The following CLASP1 variants were observed in gnomAD, a reference collection of about 807,000 sequenced individuals.
CLASP1 encodes cytoplasmic linker associated protein 1, also known as CLIP-associating protein 1.
A neutral mutation model predicts 192.3 loss-of-function variants in CLASP1; 38 were observed. That is an observed-to-expected ratio of 0.20 (90% CI 0.15 to 0.26). The LOEUF is 0.26. Among genes scored for constraint, CLASP1 ranks in the 10% least tolerant of loss-of-function variants. The pLI, the probability that CLASP1 is intolerant of heterozygous loss-of-function variation, is 1.00. For missense variants in CLASP1, 1,433 were observed against 1,932.5 expected (o/e 0.74, Z 4.85); for synonymous variants, 691 against 712.8 (o/e 0.97, Z 0.49).
chr2:121,596,478 G>T (rs1452253174), intron 2 of CLASP1, among the ~76,000 whole-genome samples: 1 of 152,166 alleles, frequency 6.6e-6, no homozygotes, highest in Non-Finnish European at 1.5e-5. Context: ...TAAAAACCTC[G>T]ATGAAAGCCA....
chr2:121,616,650 A>G (rs1006821350), intron 1 of CLASP1, among the ~76,000 whole-genome samples: 1 of 152,214 alleles, frequency 6.6e-6, no homozygotes, highest in Admixed American at 6.5e-5. Flanking sequence ...TTTCTGTATT[A>G]GGATGATTTC....
chr2:121,478,665 C>CCCACACACACACCACA (rs2091996146), intron 8 of CLASP1, among the ~76,000 whole-genome samples: 1 of 95,540 alleles, frequency 1.0e-5, no homozygotes, highest in Non-Finnish European at 2.3e-5. Flanking sequence ...CACACACCCC[C>CCCACACACACACCACA]CACACACACC....
intron 1 of CLASP1, among the ~76,000 whole-genome samples, chr2:121,626,977 G>A (rs73950996): frequency 6.2e-4 from 95 of 152,260 alleles, no homozygotes; most frequent in African/African-American, 2.2e-3. Context: ...GATCCACAAA[G>A]AATAAATGAA....
At chr2:121,616,670 T>C (rs2066517645) in intron 1 of CLASP1, among the ~76,000 whole-genome samples, 1 of 152,124 alleles carries the variant, frequency 6.6e-6, no homozygotes, top group South Asian at 2.1e-4. Flanking sequence ...CTGCAACAAT[T>C]ACAATATGAT....
intron 19 of CLASP1, among the ~76,000 whole-genome samples, chr2:121,441,213 A>T (rs2083284445): frequency 6.6e-6 from 1 of 152,150 alleles, no homozygotes; most frequent in African/African-American, 2.4e-5. Context: ...ATTTTCTAGC[A>T]AATTCCCAAA....
chr2:121,618,292 A>G (rs2066777674), intron 1 of CLASP1, among the ~76,000 whole-genome samples: 1 of 152,164 alleles, frequency 6.6e-6, no homozygotes, highest in African/African-American at 2.4e-5. Context: ...ATCAAAGGAC[A>G]AACAGTCACT....
At position 121,384,276 on chromosome 2, in the gene CLASP1, T is replaced by C. The variant is rs557178105; in HGVS notation, c.3375-1952A>G. 4.6e-5 allele frequency among the ~76,000 whole-genome samples: 7 copies of C among 151,964 alleles called. No homozygotes were observed. The South Asian group carries it at 1.0e-3, about 23-fold the overall frequency. On this transcript the variant is annotated intron_variant, in intron 32 of 39. Coordinates refer to ENST00000263710, the Ensembl canonical transcript of CLASP1. ...TAATGATGGCTCACTGCAGCCTCCA[T>C]GTCCTGCGCTCAAGCAATCTCCCCA...
intron 10 of CLASP1, among the ~76,000 whole-genome samples, chr2:121,461,806 G>A (rs1289770130): frequency 6.6e-6 from 1 of 152,048 alleles, no homozygotes; most frequent in Non-Finnish European, 1.5e-5. Context: ...TCAATCTCCC[G>A]AATAGCTAGA....
At chr2:121,472,976 A>G (rs1336548864) in intron 8 of CLASP1, among the ~76,000 whole-genome samples, 2 of 152,246 alleles carry the variant, frequency 1.3e-5, no homozygotes, top group Non-Finnish European at 2.9e-5. Flanking sequence ...AAAACAAAGC[A>G]TGATATTCCT....
At chr2:121,527,732 T>G in intron 5 of CLASP1, 67 bp downstream of exon 5, 1 of 1,226,046 alleles carries the variant, frequency 8.2e-7, no homozygotes. Flanking sequence ...AAATCTATAA[T>G]TATTTCAAAA....
At chr2:121,467,799 G>A (rs1450009060) in intron 9 of CLASP1, among the ~76,000 whole-genome samples, 5 of 151,958 alleles carry the variant, frequency 3.3e-5, no homozygotes, top group Non-Finnish European at 1.5e-5. Context: ...CTTTAATTAG[G>A]TCCATTTGTC....
chr2:121,502,931 C>T (rs977428428), intron 8 of CLASP1, among the ~76,000 whole-genome samples: 6 of 152,096 alleles, frequency 3.9e-5, no homozygotes, highest in African/African-American at 7.2e-5. Flanking sequence ...GGATTCAGGA[C>T]GCAGTTTTAA....
intron 2 of CLASP1, among the ~76,000 whole-genome samples, chr2:121,558,440 G>C (rs1421890650): frequency 6.6e-6 from 1 of 152,190 alleles, no homozygotes; most frequent in Non-Finnish European, 1.5e-5. Flanking sequence ...GTACTGAAAG[G>C]CGAGGCTTTT....
chr2:121,457,623 G>A, intron 14 of CLASP1, 64 bp downstream of exon 14: 1 of 1,257,350 alleles, frequency 8.0e-7, no homozygotes, highest in Non-Finnish European at 1.2e-6. Context: ...CATGGAAGGA[G>A]ATTTGGAATT....
chr2:121,528,243 A>G (rs2094631756), intron 4 of CLASP1, among the ~76,000 whole-genome samples: 1 of 151,778 alleles, frequency 6.6e-6, no homozygotes, highest in Non-Finnish European at 1.5e-5. Context: ...TTTTCTGATC[A>G]CCCCCCAATA....
At chr2:121,531,098 C>T (rs1011747098) in intron 2 of CLASP1, 12 of 651,922 alleles carry the variant, frequency 1.8e-5, no homozygotes, top group African/African-American at 9.0e-5. Flanking sequence ...AGAGGGTGCA[C>T]AAGACGCGTG....
intron 21 of CLASP1, 33 bp downstream of exon 21, chr2:121,427,370 AC>A (rs2080603477): frequency 6.2e-7 from 1 of 1,609,864 alleles, no homozygotes; most frequent in South Asian, 1.1e-5. Flanking sequence ...AACAACAACA[AC>A]AACAAAAAAA....
In CLASP1 at chr2:121,362,273, T is replaced by C. The variant is rs191307891; in HGVS notation, c.4206+899A>G. ...CCTTTTACTGAAGGGTGTCACTGAA[T>C]CATTTGTATCTGGACAGCTCCTGCC... On this transcript the variant is annotated intron_variant, in intron 37 of 39. Transcript: ENST00000263710. Among the ~76,000 whole-genome samples, 1,429 of 152,348 alleles carry C rather than the reference T, an allele frequency of 9.4e-3. 18 individuals are homozygous for C. The highest frequency in any genetic ancestry group is 0.01 in the Non-Finnish European group (700 of 68,028).
chr2:121,582,235 G>A (rs1303119389), intron 2 of CLASP1, among the ~76,000 whole-genome samples: 1 of 151,336 alleles, frequency 6.6e-6, no homozygotes, highest in Non-Finnish European at 1.5e-5. Context: ...GGAGCAGAGG[G>A]AGGGAAGGAG....
Sources: gnomAD v4.1 joint callset for allele counts (sites outside exome capture counted in the v4.1 genomes callset) on GRCh38, gnomAD v4.1.1 for gene constraint, MANE v1.5 for transcripts, NCBI Gene and HGNC (gene_info 2026-07-23, HGNC 2026-07-21) for gene names.